ZC3H12B: variants seen among roughly 807,000 people sequenced by gnomAD.
ZC3H12B encodes the protein probable ribonuclease ZC3H12B.
Under a neutral mutation model 43.9 loss-of-function variants are expected in ZC3H12B, and 7 were observed. The ratio of observed to expected loss-of-function variants is 0.16; its 90% CI spans 0.09 to 0.30. The LOEUF is 0.30. Among genes scored for constraint, ZC3H12B ranks in the 10% least tolerant of loss-of-function variants. ZC3H12B has a pLI of 1.00. For missense variants in ZC3H12B, 475 were observed against 670.2 expected (o/e 0.71, Z 3.22); for synonymous variants, 222 against 241.7 (o/e 0.92, Z 0.76).
intron 3 of ZC3H12B, among the ~76,000 whole-genome samples, chrX:65,407,530 G>A (rs749716529): frequency 5.1e-4 from 58 of 113,715 alleles, no homozygotes; most frequent in African/African-American, 1.8e-3. Flanking sequence ...GAGTCTTGCG[G>A]GAGTCGCCCC....
rs111453373 is a variant in ZC3H12B at position 65,412,733 on chromosome X, G to A, written n.407+14029G>A. ...TCTGCTCACCTCAGCCTCCCAAAGT[G>A]CTGGAATTACAGGAGTAAGCCACTG... On this transcript the variant is annotated intron_variant and non_coding_transcript_variant, in intron 3 of 5. Transcript: ENST00000617377. 3.0e-3 allele frequency among the ~76,000 whole-genome samples: 334 copies of A among 112,014 alleles called. 1 individual carries two copies. The highest frequency in any genetic ancestry group is 0.01 in the African/African-American group (313 of 30,813).
the ZC3H12B span, among the ~76,000 whole-genome samples, chrX:65,317,256 A>T: frequency 1.3e-5 from 1 of 74,432 alleles, no homozygotes; most frequent in Non-Finnish European, 2.0e-5. Flanking sequence ...TCAACCAATT[A>T]AAAAAAAAAA....
chrX:65,393,313 G>T (rs1410567678), intron 2 of ZC3H12B, among the ~76,000 whole-genome samples: 4 of 111,263 alleles, frequency 3.6e-5, no homozygotes, highest in African/African-American at 9.8e-5. Flanking sequence ...TTAAGTTCTG[G>T]GATACATGTG....
the ZC3H12B span, among the ~76,000 whole-genome samples, chrX:65,313,971 C>T: frequency 2.7e-5 from 3 of 111,723 alleles, no homozygotes; most frequent in Non-Finnish European, 3.8e-5. Flanking sequence ...GAAATACAAA[C>T]TATTTTTGAA....
chrX:65,459,776 C>T (rs1324018354), intron 3 of ZC3H12B, among the ~76,000 whole-genome samples: 1 of 111,697 alleles, frequency 9.0e-6, no homozygotes, highest in African/African-American at 3.3e-5. Context: ...AAACTGGAAG[C>T]ATTCCCTCTG....
chrX:65,166,834 G>T, the ZC3H12B span, among the ~76,000 whole-genome samples: 17 of 111,888 alleles, frequency 1.5e-4, no homozygotes, highest in East Asian at 4.5e-3. Flanking sequence ...GCTGCATAAA[G>T]GTCTTCTTTT....
At chrX:65,373,769 A>T (rs2066280997) in intron 2 of ZC3H12B, among the ~76,000 whole-genome samples, 1 of 94,755 alleles carries the variant, frequency 1.1e-5, no homozygotes, top group Non-Finnish European at 2.1e-5. Flanking sequence ...GAGGGATAGC[A>T]TTAGGAGATA....
chrX:65,483,196 G>T (rs1361857812), intron 3 of ZC3H12B, among the ~76,000 whole-genome samples: 1 of 111,576 alleles, frequency 9.0e-6, no homozygotes, highest in Non-Finnish European at 1.9e-5. Flanking sequence ...AATTGCTTGA[G>T]GGAAATCCCA....
At chrX:65,242,346 A>C in the ZC3H12B span, among the ~76,000 whole-genome samples, 1 of 112,067 alleles carries the variant, frequency 8.9e-6, no homozygotes, top group Non-Finnish European at 1.9e-5. Context: ...TTCATAAACC[A>C]ATAGTGAACA....
chrX:65,258,352 T>C, the ZC3H12B span, among the ~76,000 whole-genome samples: 1 of 111,913 alleles, frequency 8.9e-6, no homozygotes, highest in South Asian at 3.7e-4. Context: ...AAAAGGCTTT[T>C]GATAAAATTC....
the ZC3H12B span, among the ~76,000 whole-genome samples, chrX:65,228,980 T>C: frequency 1.8e-5 from 2 of 111,765 alleles, no homozygotes; most frequent in Admixed American, 9.5e-5. Flanking sequence ...GTAGATTCCA[T>C]GCCATCCCCA....
At chrX:65,352,044 A>C in the ZC3H12B span, among the ~76,000 whole-genome samples, 1 of 112,509 alleles carries the variant, frequency 8.9e-6, no homozygotes, top group African/African-American at 3.2e-5. Context: ...ACTATTCACA[A>C]TAGCAAAGAC....
At chrX:65,501,848 C>T (rs751203335) in exon 5 of ZC3H12B, 3 of 1,201,066 alleles carry the variant, frequency 2.5e-6, no homozygotes, top group South Asian at 3.6e-5. Flanking sequence ...GGCCAACCAA[C>T]CCCAGCGTTC....
At chrX:65,375,579 G>T (rs1422551096) in intron 2 of ZC3H12B, among the ~76,000 whole-genome samples, 3 of 111,944 alleles carry the variant, frequency 2.7e-5, no homozygotes, top group Admixed American at 9.5e-5. Flanking sequence ...AGAGGACTTT[G>T]TCTTGCACCT....
chrX:65,491,048 T>C (rs998967809), intron 1 of ZC3H12B, among the ~76,000 whole-genome samples: 3 of 111,688 alleles, frequency 2.7e-5, no homozygotes, highest in Non-Finnish European at 5.6e-5. Flanking sequence ...CAACTTTATC[T>C]TACAGATGAA....
At chrX:65,204,161 T>G in the ZC3H12B span, among the ~76,000 whole-genome samples, 1 of 106,332 alleles carries the variant, frequency 9.4e-6, no homozygotes, top group Non-Finnish European at 1.9e-5. Context: ...CCCTCTTCAG[T>G]GCCTTTTTAA....
the ZC3H12B span, among the ~76,000 whole-genome samples, chrX:65,329,269 TG>T: frequency 9.0e-6 from 1 of 111,547 alleles, no homozygotes; most frequent in Non-Finnish European, 1.9e-5. Flanking sequence ...CATCTCATTG[TG>T]GTTTTGATTT....
the ZC3H12B span, among the ~76,000 whole-genome samples, chrX:65,075,265 G>A: frequency 8.9e-6 from 1 of 112,266 alleles, no homozygotes; most frequent in African/African-American, 3.2e-5. Flanking sequence ...CCATATCAGT[G>A]CTTTTAATCT....
chrX:65,204,938 T>C, the ZC3H12B span, among the ~76,000 whole-genome samples: 1 of 112,039 alleles, frequency 8.9e-6, no homozygotes, highest in South Asian at 3.7e-4. Context: ...AGCAAGATCT[T>C]ATTTTTAAGA....
Sources: gnomAD v4.1 joint callset for allele counts (sites outside exome capture counted in the v4.1 genomes callset) on GRCh38, gnomAD v4.1.1 for gene constraint, MANE v1.5 for transcripts, NCBI Gene and HGNC (gene_info 2026-07-23, HGNC 2026-07-21) for gene names.